Variants in C20orf173 observed in about 807,000 individuals in gnomAD.
C20orf173 encodes uncharacterized protein C20orf173.
In C20orf173, 22 loss-of-function variants were observed where a neutral mutation model predicts 26.7. The observed-to-expected ratio is 0.82, with a 90% confidence interval of 0.59 to 1.18. The LOEUF is 1.18. Among genes scored for constraint, C20orf173 ranks in the 50% most tolerant of loss-of-function variants. C20orf173 has a pLI of 0.00. For synonymous variants in C20orf173, 85 were observed against 96.4 expected (o/e 0.88, Z 0.69); for missense variants, 210 against 250.3 (o/e 0.84, Z 1.09).
chr20:35,528,962 C>T (rs41307151), intron 2 of C20orf173, 83 bp from the exon 3 acceptor site: 1 of 1,539,330 alleles, frequency 6.5e-7, no homozygotes, highest in African/African-American at 1.4e-5. Context: ...CATCCAGAGG[C>T]TGTGAAGACA....
chr20:35,529,081 G>A lies in C20orf173; in HGVS notation c.293C>T (p.Thr98Ile). The change falls in exon 2 of 6, where the codon ACT becomes ATT. Residue 98 changes from threonine (T) to isoleucine (I), a missense_variant. Coordinates refer to ENST00000444723, the MANE Select transcript of C20orf173 (RefSeq NM_001145350.2). ...ACCACTGACCAACCACCAGAGCACA[G>A]TGTCAGAGGTCATAGACTCTCTTGT... ...MRTRESMTSD[T>I]VLWWLGMNSG... 1 of 1,551,138 alleles carries A rather than the reference G, an allele frequency of 6.4e-7. No homozygotes were observed. The highest frequency in any genetic ancestry group is 8.7e-7 in the Non-Finnish European group (1 of 1,146,492).
downstream of C20orf173, chr20:35,520,972 C>T (rs1340853720): frequency 1.3e-5 from 2 of 152,262 alleles, no homozygotes; most frequent in South Asian, 2.1e-4. Flanking sequence ...CTCCTGGGGA[C>T]TCCACTGGAA....
downstream of C20orf173, chr20:35,520,757 A>AT (rs1304746222): frequency 2.0e-5 from 3 of 152,142 alleles, no homozygotes; most frequent in African/African-American, 7.2e-5. Context: ...ATTTAATTTT[A>AT]TTTTTTGGTA....
At chr20:35,521,626 G>C (rs1352419238), downstream of C20orf173, among the ~76,000 whole-genome samples, 1 of 132,258 alleles carries the variant, frequency 7.6e-6, no homozygotes, top group Non-Finnish European at 1.6e-5. Context: ...TTTTTTTTTT[G>C]AGATGGAGTT....
chr20:35,521,628 G>A (rs141862604), downstream of C20orf173, among the ~76,000 whole-genome samples: 3,259 of 148,362 alleles, frequency 0.022, 135 homozygotes, highest in African/African-American at 0.076. Flanking sequence ...TTTTTTTTGA[G>A]ATGGAGTTTT....
downstream of C20orf173, among the ~76,000 whole-genome samples, chr20:35,526,774 G>A (rs980291216): frequency 2.0e-5 from 2 of 102,224 alleles, no homozygotes; most frequent in Non-Finnish European, 4.0e-5. Flanking sequence ...GGTGAAACAA[G>A]GAGGTTTACT....
downstream of C20orf173, among the ~76,000 whole-genome samples, chr20:35,524,104 G>A (rs893583721): frequency 2.0e-5 from 3 of 152,028 alleles, no homozygotes; most frequent in East Asian, 3.9e-4. Flanking sequence ...TGCAACCCCC[G>A]CCTCCTGGGT....
chr20:35,528,177 G>C, intron 5 of C20orf173, 56 bp downstream of exon 5: 1 of 1,463,984 alleles, frequency 6.8e-7, no homozygotes, highest in Non-Finnish European at 9.4e-7. Flanking sequence ...CTGACCTGGG[G>C]CCCTTCCCAC....
chr20:35,528,035 G>A (rs2064515894), intron 5 of C20orf173, among the ~76,000 whole-genome samples, 198 bp downstream of exon 5: 3 of 152,184 alleles, frequency 2.0e-5, no homozygotes, highest in Admixed American at 2.0e-4. Flanking sequence ...AAGAGAAGAA[G>A]ATACAAGAAT....
rs538487226 is a variant in C20orf173, at chr20:35,527,744, G to A, written c.*25+489C>T. ...AGCGATTCTTCTACCTCAGCCTCCC[G>A]AGTAGCTGGGACTACAGGCATGCCT... On this transcript the variant is annotated intron_variant, in intron 5 of 5. Coordinates refer to ENST00000444723, the MANE Select transcript of C20orf173 (RefSeq NM_001145350.2). Among the ~76,000 whole-genome samples, 7 of 151,966 alleles carry A rather than the reference G, an allele frequency of 4.6e-5. No homozygotes were observed. In the East Asian group the frequency reaches 9.6e-4, roughly 21 times the overall value.
In C20orf173 at chr20:35,529,058, C is replaced by A. The variant is rs1055047626; in HGVS notation, c.309+7G>T. The A allele has an allele frequency of 1.9e-6, 3 of 1,547,834 alleles. No homozygotes were observed. The highest frequency in any genetic ancestry group is 2.6e-6 in the Non-Finnish European group (3 of 1,143,990). On this transcript the variant is annotated splice_region_variant and intron_variant, in intron 2 of 5. Transcript: ENST00000444723. ...GGATATGGCCGGGCCCAGTGTTGACCACTGACCAACCACCAGAGCACAGTG... is the reference window on the plus strand; with the variant it reads ...GGATATGGCCGGGCCCAGTGTTGACAACTGACCAACCACCAGAGCACAGTG...
At chr20:35,526,640 A>C (rs1189207433), downstream of C20orf173, among the ~76,000 whole-genome samples, 4 of 151,420 alleles carry the variant, frequency 2.6e-5, no homozygotes, top group South Asian at 2.1e-4. Flanking sequence ...AAAAAAAAAA[A>C]AAAAAAAAAA....
At chr20:35,520,988 T>A (rs1431370664), downstream of C20orf173, 1 of 152,276 alleles carries the variant, frequency 6.6e-6, no homozygotes, top group Non-Finnish European at 1.5e-5. Context: ...TGGAAACATC[T>A]CAGCCGTAGA....
rs910275603 is a variant in C20orf173 at position 35,528,822 on chromosome 20, G to A, written c.367C>T (p.Pro123Ser). ...TCAAAATGGCTCACCGAGAGCCTGG[G>A]AATCCCTTTAAACAGCTTCCTCCAC... The part of the protein sequence containing the change: ...KLWRKLFKGI[P>S]RLSVSHFDFY... Residue 123 changes from proline (P) to serine (S), a missense_variant, in exon 3 of 6, where the codon CCC (proline) becomes TCC (serine). Coordinates refer to ENST00000444723, the MANE Select transcript of C20orf173 (RefSeq NM_001145350.2). The A allele has an allele frequency of 4.5e-6, 7 of 1,551,400 alleles. No homozygotes were observed. Among genetic ancestry groups the A allele is most frequent in the Admixed American group, 3.9e-5 (2 of 50,932 alleles).
chr20:35,523,115 T>TGGA (rs916864432), downstream of C20orf173: 1 of 152,700 alleles, frequency 6.5e-6, no homozygotes, highest in African/African-American at 2.4e-5. Context: ...GCCAGGCACG[T>TGGA]GGAGGCAGGC....
Position 35,529,325 on chromosome 20 carries a change from G to A in C20orf173, c.49C>T (p.Leu17Phe). 6.4e-7 allele frequency: 1 copy of A among 1,550,538 alleles called. No homozygotes were observed. The highest frequency in any genetic ancestry group is 2.0e-5 in the Admixed American group (1 of 50,982). ...TCCAGATAGGGGGTCATCAGCCAGAGGATGAGCACCCAAAAGACCCACAGG... is the reference window on the plus strand; with the variant it reads ...TCCAGATAGGGGGTCATCAGCCAGAAGATGAGCACCCAAAAGACCCACAGG... Reference protein sequence around the residue: ...FVLWVFWVLILWLMTPYLDLT... With the variant: ...FVLWVFWVLIFWLMTPYLDLT... Residue 17 changes from leucine (L) to phenylalanine (F), a missense_variant, in exon 2 of 6, where the codon CTC (leucine) becomes TTC (phenylalanine). Coordinates refer to ENST00000444723, the MANE Select transcript of C20orf173 (RefSeq NM_001145350.2).
chr20:35,521,380 A>G (rs2064474167), downstream of C20orf173, among the ~76,000 whole-genome samples: 2 of 152,098 alleles, frequency 1.3e-5, no homozygotes, highest in Admixed American at 1.3e-4. Context: ...TCTTCATTAT[A>G]TATTGAGAGA....
chr20:35,529,183 G>C lies in C20orf173; in HGVS notation c.191C>G (p.Ser64Cys). 6.4e-7 allele frequency: 1 copy of C among 1,551,690 alleles called. No homozygotes were observed. The highest frequency in any genetic ancestry group is 8.7e-7 in the Non-Finnish European group (1 of 1,146,986). ...CGCPSETLNC[S>C]SCHHTADEWN... ...TTCGTCGGCTGTGTGGTGGCAGGAGGAGCAGTTGAGGGTCTCAGAAGGGCA... is the reference window on the plus strand; with the variant it reads ...TTCGTCGGCTGTGTGGTGGCAGGAGCAGCAGTTGAGGGTCTCAGAAGGGCA... Residue 64 changes from serine to cysteine, a missense_variant, in exon 2 of 6, where the codon TCC becomes TGC. Coordinates refer to ENST00000444723, the MANE Select transcript of C20orf173 (RefSeq NM_001145350.2).
chr20:35,529,510 C>T (rs1266907588), intron 1 of C20orf173, 49 bp downstream of exon 1: 2 of 735,604 alleles, frequency 2.7e-6, no homozygotes, highest in Non-Finnish European at 4.4e-6. Flanking sequence ...CCACCACCTT[C>T]CACCTCCTTC....
Sources: gnomAD v4.1 joint callset for allele counts (sites outside exome capture counted in the v4.1 genomes callset) on GRCh38, gnomAD v4.1.1 for gene constraint, MANE v1.5 for transcripts, NCBI Gene and HGNC (gene_info 2026-07-23, HGNC 2026-07-21) for gene names.